Variants in CROT observed in about 807,000 individuals in gnomAD.
CROT encodes the protein peroxisomal carnitine O-octanoyltransferase.
Under a neutral mutation model 89.2 loss-of-function variants are expected in CROT, and 84 were observed. The ratio of observed to expected loss-of-function variants is 0.94; its 90% confidence interval spans 0.79 to 1.13. CROT has a LOEUF of 1.13. CROT is among the 50% of genes most tolerant of loss of function. The pLI, the probability that CROT is intolerant of heterozygous loss-of-function variation, is 0.00. For synonymous variants in CROT, 212 were observed against 239.5 expected (o/e 0.89, Z 1.06); for missense variants, 711 against 727.8 (o/e 0.98, Z 0.27).
intron 13 of CROT, among the ~76,000 whole-genome samples, chr7:87,389,479 T>C (rs1484212081): frequency 6.6e-6 from 1 of 152,140 alleles, no homozygotes; most frequent in African/African-American, 2.4e-5. Context: ...TGCAGGGACA[T>C]GGATGAAGCT....
intron 3 of CROT, among the ~76,000 whole-genome samples, chr7:87,350,229 G>C (rs1340583257): frequency 6.6e-6 from 1 of 152,074 alleles, no homozygotes; most frequent in Non-Finnish European, 1.5e-5. Flanking sequence ...CATGTCCTGG[G>C]ATATATTATG....
chr7:87,377,197 C>T (rs1806835246), intron 9 of CROT, 152 bp from the exon 10 acceptor site: 3 of 499,574 alleles, frequency 6.0e-6, no homozygotes, highest in South Asian at 6.1e-5. Flanking sequence ...TTGCATATCA[C>T]ATATCAGTGT....
At chr7:87,396,012 C>A (rs988819476) in intron 17 of CROT, among the ~76,000 whole-genome samples, 1 of 152,130 alleles carries the variant, frequency 6.6e-6, no homozygotes, top group African/African-American at 2.4e-5. Flanking sequence ...CAATAAATTT[C>A]TACTAGAGAA....
intron 13 of CROT, among the ~76,000 whole-genome samples, chr7:87,388,680 A>G (rs1272911680): frequency 1.3e-5 from 2 of 152,256 alleles, no homozygotes; most frequent in Non-Finnish European, 2.9e-5. Context: ...ACTCTAGAAG[A>G]AAACCTAGGC....
rs1304901153 is a variant in CROT, at chr7:87,399,557, C to G, written c.*913C>G. 2.0e-5 allele frequency: 3 copies of G among 152,164 alleles called. No homozygotes were observed. Among genetic ancestry groups the G allele is most frequent in the African/African-American group, 7.2e-5 (3 of 41,444 alleles). 9.4% of individuals were successfully genotyped at this position (152,164 alleles called of 1,614,324 possible). Reference sequence around the variant, plus strand: ...GTATGGAGATGTATACCCTCTATTACACACATAAAACCGTAACAAAATTCA... The same window carrying G: ...GTATGGAGATGTATACCCTCTATTAGACACATAAAACCGTAACAAAATTCA... On this transcript the variant is annotated 3_prime_UTR_variant, in exon 18 of 18. Coordinates refer to ENST00000331536, the MANE Select transcript of CROT (RefSeq NM_021151.4).
At chr7:87,375,517 C>A in intron 7 of CROT, 115 bp from the exon 8 acceptor site, 1 of 663,462 alleles carries the variant, frequency 1.5e-6, no homozygotes, top group Non-Finnish European at 2.5e-6. Flanking sequence ...TAAGTGGTTT[C>A]TTTGGGTAAT....
At chr7:87,381,851 T>C (rs1449111103) in intron 10 of CROT, 59 bp from the exon 11 acceptor site, 8 of 1,174,938 alleles carry the variant, frequency 6.8e-6, no homozygotes, top group African/African-American at 4.6e-5. Context: ...AAATAAAATA[T>C]TGGGTCAAGT....
At chr7:87,374,688 A>AG (rs940028525) in intron 7 of CROT, among the ~76,000 whole-genome samples, 13 of 152,120 alleles carry the variant, frequency 8.5e-5, no homozygotes, top group African/African-American at 2.4e-4. Context: ...GCAAATAACA[A>AG]GGGGGGAATT....
chr7:87,396,467 T>C (rs546185405), intron 17 of CROT, among the ~76,000 whole-genome samples: 1 of 152,282 alleles, frequency 6.6e-6, no homozygotes, highest in South Asian at 2.1e-4. Context: ...TTTTATGACA[T>C]GCACTGGACC....
At chr7:87,388,480 C>G (rs903831514) in intron 13 of CROT, among the ~76,000 whole-genome samples, 7 of 152,144 alleles carry the variant, frequency 4.6e-5, no homozygotes, top group Non-Finnish European at 8.8e-5. Context: ...CACACATCTA[C>G]AACCATCTGA....
chr7:87,353,406 C>T lies in CROT; in HGVS notation c.115+4223C>T, dbSNP rs112757338. Among the ~76,000 whole-genome samples the T allele has an allele frequency of 7.4e-3, 1,121 of 152,242 alleles. 13 individuals are homozygous for T. The highest frequency in any genetic ancestry group is 0.025 in the African/African-American group (1,052 of 41,542). ...TCAAGTGATCCGCCTGCCTCCAGTTCCCAACATGCTGGGATTACAGGTGTG... is the reference window on the plus strand; with the variant it reads ...TCAAGTGATCCGCCTGCCTCCAGTTTCCAACATGCTGGGATTACAGGTGTG... On this transcript the variant is annotated intron_variant, in intron 3 of 17. Coordinates refer to ENST00000331536, the MANE Select transcript of CROT (RefSeq NM_021151.4).
intron 7 of CROT, among the ~76,000 whole-genome samples, chr7:87,372,003 A>AG (rs1806653582): frequency 9.4e-6 from 1 of 106,636 alleles, no homozygotes; most frequent in Non-Finnish European, 2.1e-5. Context: ...CAAAAAAAAA[A>AG]AAACAAAAAA....
At chr7:87,350,112 A>G (rs1410988612) in intron 3 of CROT, among the ~76,000 whole-genome samples, 1 of 152,240 alleles carries the variant, frequency 6.6e-6, no homozygotes, top group Non-Finnish European at 1.5e-5. Flanking sequence ...AATACCAAGC[A>G]TACTGAAAAG....
chr7:87,366,242 A>G lies in CROT; in HGVS notation c.548-3134A>G, dbSNP rs545618434. On this transcript the variant is annotated intron_variant, in intron 6 of 17. Transcript: ENST00000331536. ...TTCCCCTGTACCCTCGCAAGGGGGA[A>G]TTTTTTTTTTCTTTTATATAGCACT... 2.1e-3 allele frequency among the ~76,000 whole-genome samples: 322 copies of G among 150,170 alleles called. 2 individuals carry two copies. The highest frequency in any genetic ancestry group is 7.5e-3 in the African/African-American group (305 of 40,910).
intron 17 of CROT, among the ~76,000 whole-genome samples, chr7:87,395,330 G>A (rs1337386203): frequency 6.6e-6 from 1 of 152,162 alleles, no homozygotes; most frequent in Non-Finnish European, 1.5e-5. Flanking sequence ...TGCCCTCCCA[G>A]ATTAACGGTG....
chr7:87,369,019 C>T (rs3789250), intron 6 of CROT, among the ~76,000 whole-genome samples: 109,876 of 152,102 alleles, frequency 0.72, 41,453 homozygotes, highest in Middle Eastern at 0.84. Context: ...AAAAGAGAAA[C>T]CTGTTAATTC....
chr7:87,353,304 T>C (rs1011619389), intron 3 of CROT, among the ~76,000 whole-genome samples: 53 of 152,152 alleles, frequency 3.5e-4, no homozygotes, highest in African/African-American at 1.3e-3. Context: ...TGCACCACCA[T>C]GCCCAGCTAA....
At chr7:87,377,244 G>T in intron 9 of CROT, 105 bp from the exon 10 acceptor site, 1 of 616,686 alleles carries the variant, frequency 1.6e-6, no homozygotes. Flanking sequence ...TATTAAATTT[G>T]GTTGACGTGA....
intron 4 of CROT, among the ~76,000 whole-genome samples, chr7:87,360,472 C>G (rs767531084): frequency 6.6e-6 from 1 of 152,150 alleles, no homozygotes; most frequent in African/African-American, 2.4e-5. Context: ...TCCCATGCAC[C>G]TGGAATTGCA....
Sources: gnomAD v4.1 joint callset for allele counts (sites outside exome capture counted in the v4.1 genomes callset) on GRCh38, gnomAD v4.1.1 for gene constraint, MANE v1.5 for transcripts, NCBI Gene and HGNC (gene_info 2026-07-23, HGNC 2026-07-21) for gene names.